HMCN2: variants seen among roughly 807,000 people sequenced by gnomAD.
HMCN2 encodes the protein hemicentin-2.
In HMCN2, 325 loss-of-function variants were observed where a neutral mutation model predicts 377.5. The ratio of observed to expected loss-of-function variants is 0.86; its 90% CI spans 0.79 to 0.94. The LOEUF (loss-of-function observed/expected upper bound fraction) is 0.94, where lower values mean the gene tolerates loss of function less well. Ranked by LOEUF, HMCN2 falls within the 40% of genes least tolerant of loss-of-function variation. The pLI is 0.00. For missense variants in HMCN2, 4,543 were observed against 4,725.3 expected, an observed-to-expected ratio of 0.96 and a Z score of 1.13; for synonymous variants, 2,007 against 2,046.8, an observed-to-expected ratio of 0.98 and a Z score of 0.53.
In HMCN2 at chr9:130,304,955, G is replaced by A. The variant is rs1554936148; in HGVS notation, c.1769G>A (p.Ser590Asn). The A allele has an allele frequency of 2.1e-6, 1 of 471,036 alleles. No homozygotes were observed. Among genetic ancestry groups the A allele is most frequent in the African/African-American group, 2.0e-5 (1 of 50,086 alleles). 29.2% of individuals were successfully genotyped at this position (471,036 alleles called of 1,614,324 possible). Residue 590 changes from serine to asparagine, a missense_variant, in exon 11 of 98, where the codon AGC becomes AAC. This residue lies in a region of HMCN2 where 547 missense variants were observed against 189.9 expected (regional missense o/e 2.88). Transcript: ENST00000683500. The surrounding 1 kb of genome is among the most constrained non-coding windows in gnomAD (Gnocchi z 4.3). ...TDGGRYQCVA[S>N]NANGVTRASV... ...GGCGGGAGGTACCAGTGTGTGGCCA[G>A]CAATGCCAATGGGGTCACAAGGGCA...
rs756327593 is a variant in HMCN2, at chr9:130,433,489, C to T, written c.15036C>T (p.Pro5012=). 6.7e-6 allele frequency: 10 copies of T among 1,499,748 alleles called. No homozygotes were observed. The highest frequency in any genetic ancestry group is 5.8e-5 in the African/African-American group (4 of 68,698). The allele number at this position is 1,499,748 out of a possible 1,614,324, so 92.9% of individuals were successfully genotyped here. A position where few individuals can be genotyped will look rare whatever the true frequency, so the allele number is the denominator to read the frequency against. ...RLTAFSEVGV[P]ANRTELSMLE... ...CCGCCTTCTCCGAGGTCGGCGTCCC[C>T]GCCAACCGCACCGAGCTCAGCATGC... is the stretch of plus-strand genomic sequence containing the variant. The change falls in exon 98 of 98, where the codon CCC becomes CCT. Residue 5012 remains proline, a synonymous_variant. Coordinates refer to ENST00000683500, the MANE Select transcript of HMCN2 (RefSeq NM_001291815.2).
Position 130,369,782 on chromosome 9 carries a change from G to A in HMCN2, c.7000G>A (p.Gly2334Arg), listed in dbSNP as rs1840914242. 2.0e-6 allele frequency: 2 copies of A among 985,952 alleles called. No homozygotes were observed. The highest frequency in any genetic ancestry group is 4.7e-5 in the South Asian group (1 of 21,278). The allele number at this position is 985,952 out of a possible 1,614,324, so 61.1% of individuals were successfully genotyped here. Residue 2334 changes from glycine to arginine, a missense_variant, in exon 45 of 98, where the codon GGA becomes AGA. By Grantham distance (125) the Gly-to-Arg change is moderately radical. Transcript: ENST00000683500. This position sits in a 1 kb window ranked among gnomAD's most constrained non-coding sequence, Gnocchi z 4.5. The stretch of plus-strand genomic sequence containing the variant: ...GGAGCGGGCCCAGGCTGCCCACACT[G>A]GACGCTACAGCTGTGTGGCCGAGAA... ...HVERAQAAHTGRYSCVAENLA... is the reference protein window; with the variant it reads ...HVERAQAAHTRRYSCVAENLA...
intron 14 of HMCN2, among the ~76,000 whole-genome samples, chr9:130,309,597 C>T (rs1356075653): frequency 6.6e-6 from 1 of 151,674 alleles, no homozygotes; most frequent in African/African-American, 2.4e-5. Flanking sequence ...CAGAGCTGAC[C>T]CAGATCTCAG....
At chr9:130,331,364 T>G (rs1426909592) in intron 22 of HMCN2, among the ~76,000 whole-genome samples, 4 of 152,078 alleles carry the variant, frequency 2.6e-5, no homozygotes, top group African/African-American at 9.7e-5. Flanking sequence ...AGTCCGAGGG[T>G]GGGAATGGTC....
intron 22 of HMCN2, among the ~76,000 whole-genome samples, chr9:130,332,972 A>G: frequency 6.6e-6 from 1 of 151,792 alleles, no homozygotes; most frequent in Non-Finnish European, 1.5e-5. Flanking sequence ...AATGTGGGAG[A>G]CAGCGGGGGT....
rs1361463809 is a variant in HMCN2 at position 130,347,704 on chromosome 9, A to G, written c.4024+344A>G. On this transcript the variant is annotated intron_variant, in intron 26 of 97. Transcript: ENST00000683500. This position sits in a 1 kb window ranked among gnomAD's most constrained non-coding sequence, Gnocchi z 5.1. ...CCATCAGTGTCTTTGAGATTGGTCTAGAGGTGAAGGCATTTTAAAATGACC... is the reference window on the plus strand; with the variant it reads ...CCATCAGTGTCTTTGAGATTGGTCTGGAGGTGAAGGCATTTTAAAATGACC... Among the ~76,000 whole-genome samples, 2 of 152,136 alleles carry G rather than the reference A, an allele frequency of 1.3e-5. No homozygotes were observed. Among genetic ancestry groups the G allele is most frequent in the East Asian group, 3.9e-4 (2 of 5,186 alleles).
At chr9:130,292,397 C>G (rs1835830938) in intron 4 of HMCN2, among the ~76,000 whole-genome samples, 1 of 152,162 alleles carries the variant, frequency 6.6e-6, no homozygotes, top group South Asian at 2.1e-4. Flanking sequence ...TGATGATTTC[C>G]TAACTGCATC....
rs963846953 is a variant in HMCN2, at chr9:130,360,154, C to G, written c.5774-274C>G. Among the ~76,000 whole-genome samples, 1 of 152,128 alleles carries G rather than the reference C, an allele frequency of 6.6e-6. No homozygotes were observed. The highest frequency in any genetic ancestry group is 1.5e-5 in the Non-Finnish European group (1 of 68,016). On this transcript the variant is annotated intron_variant, in intron 37 of 97. Transcript: ENST00000683500. This position sits in a 1 kb window ranked among gnomAD's most constrained non-coding sequence, Gnocchi z 4.7. The stretch of plus-strand genomic sequence containing the variant: ...TGGTCCTGTCTTGGGCAACATTGCC[C>G]GGTTCCATCCCGGTTCCCTTTCCTG...
At position 130,379,259 on chromosome 9, in the gene HMCN2, G is replaced by A. The variant is rs1348370773; in HGVS notation, c.8223G>A (p.Met2741Ile). The change falls in exon 54 of 98, where the codon ATG becomes ATA. Residue 2741 changes from methionine (M) to isoleucine (I), a missense_variant. Coordinates refer to ENST00000683500, the MANE Select transcript of HMCN2 (RefSeq NM_001291815.2). ...DFNVLIQVPP[M>I]FQKVGDFSAA... is the part of the protein sequence containing the mutation. ...GTCTCCCCCACCCAGTGCCCCCCATGTTCCAGAAGGTGGGTGATTTCAGTG... is the reference window on the plus strand; with the variant it reads ...GTCTCCCCCACCCAGTGCCCCCCATATTCCAGAAGGTGGGTGATTTCAGTG... The A allele has an allele frequency of 1.0e-6, 1 of 985,700 alleles. No individual in the cohort carries two copies. Among genetic ancestry groups the A allele is most frequent in the Non-Finnish European group, 1.2e-6 (1 of 829,914 alleles). 61.1% of individuals were successfully genotyped at this position (985,700 alleles called of 1,614,324 possible).
At position 130,428,365 on chromosome 9, in the gene HMCN2, C is replaced by T. The variant is rs752861799; in HGVS notation, c.14073C>T (p.Asp4691=). ...GCCCTGATCTGCCCCCAGATGTGGA[C>T]GAGTGTGCGTGGGATGCTCACCTCT... ...AWDDRNCRDV[D]ECAWDAHLCR... Residue 4691 remains aspartate (D), a synonymous_variant, in exon 93 of 98, where the codon GAC becomes GAT. Coordinates refer to ENST00000683500, the MANE Select transcript of HMCN2 (RefSeq NM_001291815.2). This position sits in a 1 kb window ranked among gnomAD's most constrained non-coding sequence, Gnocchi z 5.0. 8.2e-5 allele frequency: 127 copies of T among 1,546,572 alleles called. No individual in the cohort carries two copies. Among genetic ancestry groups the T allele is most frequent in the Middle Eastern group, 1.7e-4 (1 of 6,004 alleles).
chr9:130,266,256 GC>G, intron 1 of HMCN2, 119 bp downstream of exon 1: 1 of 357,474 alleles, frequency 2.8e-6, no homozygotes, highest in Non-Finnish European at 5.5e-6. Context: ...GGCTTGGCGG[GC>G]GCGCCTTCTC....
intron 78 of HMCN2, 67 bp downstream of exon 78, chr9:130,402,963 G>C (rs1284274488): frequency 8.3e-6 from 10 of 1,209,060 alleles, no homozygotes; most frequent in Admixed American, 2.3e-5. Flanking sequence ...GCCAGAGGCA[G>C]GTGGGGCTCA....
intron 18 of HMCN2, among the ~76,000 whole-genome samples, chr9:130,321,210 C>T (rs1837834403): frequency 6.6e-6 from 1 of 152,106 alleles, no homozygotes; most frequent in African/African-American, 2.4e-5. Flanking sequence ...GGCCCAGTCT[C>T]AATGCAGTGG....
At chr9:130,320,075 C>T (rs1220514334) in intron 16 of HMCN2, among the ~76,000 whole-genome samples, 2 of 152,202 alleles carry the variant, frequency 1.3e-5, no homozygotes, top group South Asian at 2.1e-4. Context: ...CACGCCAGGC[C>T]CAAGGGCGGG....
intron 87 of HMCN2, among the ~76,000 whole-genome samples, chr9:130,424,336 G>T (rs781411950): frequency 7.7e-6 from 1 of 129,050 alleles, no homozygotes. Context: ...CTGCCACGGC[G>T]CCCGGCTAAT....
At chr9:130,343,218 G>C (rs911182789) in intron 25 of HMCN2, among the ~76,000 whole-genome samples, 1 of 152,120 alleles carries the variant, frequency 6.6e-6, no homozygotes, top group Admixed American at 6.5e-5. Context: ...TGCTTCTTTC[G>C]GCGTTGGGCT....
intron 22 of HMCN2, 118 bp downstream of exon 22, chr9:130,327,593 C>T (rs1838210068): frequency 1.3e-5 from 2 of 152,260 alleles, no homozygotes. Flanking sequence ...TAGGGTGCTG[C>T]TCCTGGGCTT....
chr9:130,397,755 G>T (rs149748413), intron 74 of HMCN2, 100 bp downstream of exon 74: 2 of 1,095,638 alleles, frequency 1.8e-6, no homozygotes, highest in East Asian at 1.2e-4. Context: ...AGAGCCAATG[G>T]TCTTCAAATG....
In HMCN2 at chr9:130,271,594, TGTTTTTGTTTTC is replaced by T. The variant is rs1292956005; in HGVS notation, c.259+5464_259+5475del. 4.0e-5 allele frequency among the ~76,000 whole-genome samples: 6 copies of T among 149,132 alleles called. 1 individual carries two copies. Among genetic ancestry groups the T allele is most frequent in the African/African-American group, 1.5e-4 (6 of 41,280 alleles). On this transcript the variant is annotated intron_variant, in intron 1 of 97. Coordinates refer to ENST00000683500, the MANE Select transcript of HMCN2 (RefSeq NM_001291815.2). Reference sequence around the variant, plus strand: ...GTTGTGCACGTGTGTTTTTTGTTTTTGTTTTTGTTTTCGTTTTTCCCACATTCCTACTTTTTG... The same window carrying T: ...GTTGTGCACGTGTGTTTTTTGTTTTTGTTTTTCCCACATTCCTACTTTTTG...
Sources: allele counts gnomAD v4.1 joint callset (sites outside exome capture counted in the v4.1 genomes callset), GRCh38; gene constraint gnomAD v4.1.1; regional missense constraint gnomAD v4.1.1; non-coding constraint Gnocchi (gnomAD v3.1); transcripts MANE v1.5; gene names NCBI Gene and HGNC (gene_info 2026-07-23, HGNC 2026-07-21).